The following MMP26 variants were observed in gnomAD, a reference collection of about 807,000 sequenced individuals.
MMP26 encodes matrix metallopeptidase 26, also known as matrix metalloproteinase-26.
A neutral mutation model predicts 31.0 loss-of-function variants in MMP26; 33 were observed. The ratio of observed to expected loss-of-function variants is 1.06; its 90% CI spans 0.81 to 1.42. The LOEUF (loss-of-function observed/expected upper bound fraction) is 1.42. MMP26 is among the 40% of genes most tolerant of loss of function. The pLI is 0.00. For synonymous variants in MMP26, 122 were observed against 114.9 expected (o/e 1.06, Z -0.40); for missense variants, 347 against 316.1 (o/e 1.10, Z -0.74).
chr11:4,864,794 A>G (rs1850212520), intron 2 of MMP26, among the ~76,000 whole-genome samples: 1 of 152,106 alleles, frequency 6.6e-6, no homozygotes, highest in South Asian at 2.1e-4. Flanking sequence ...GTCTACAGAA[A>G]CTGATGCCAC....
rs541359694 is a variant in MMP26, at chr11:4,927,925, G to A, written c.-144-60143G>A. Among the ~76,000 whole-genome samples the A allele has an allele frequency of 2.6e-5, 4 of 152,162 alleles. No individual in the cohort carries two copies. In the East Asian group the frequency reaches 7.8e-4, roughly 29 times the overall value. On this transcript the variant is annotated intron_variant, in intron 2 of 7. Transcript: ENST00000380390. ...TATCATCTATCATGCCTGATCTGTGGGCAAGGGATACTAAATGATACTTTC... is the reference window on the plus strand; with the variant it reads ...TATCATCTATCATGCCTGATCTGTGAGCAAGGGATACTAAATGATACTTTC...
At chr11:4,876,885 G>A (rs370428320) in intron 2 of MMP26, 1 of 155,002 alleles carries the variant, frequency 6.5e-6, no homozygotes, top group Middle Eastern at 2.4e-3. Context: ...CCACACATTT[G>A]GGGGAGTGGA....
chr11:4,926,497 A>G (rs1048249956), intron 2 of MMP26, among the ~76,000 whole-genome samples: 4 of 152,198 alleles, frequency 2.6e-5, no homozygotes, highest in Non-Finnish European at 4.4e-5. Context: ...AAGTTTAAAT[A>G]TATGTATGAC....
intron 2 of MMP26, chr11:4,924,364 A>T (rs1192618798): frequency 2.6e-6 from 4 of 1,561,602 alleles, no homozygotes; most frequent in Non-Finnish European, 3.5e-6. Context: ...GGACTCAGAA[A>T]CCTGGAATAT....
At chr11:4,714,082 C>T (rs1847895106) in intron 1 of MMP26, among the ~76,000 whole-genome samples, 1 of 152,130 alleles carries the variant, frequency 6.6e-6, no homozygotes, top group South Asian at 2.1e-4. Context: ...CCCAGCTCCT[C>T]AGGCTCCTTT....
chr11:4,968,501 TA>T (rs1320031550), intron 2 of MMP26, among the ~76,000 whole-genome samples: 1 of 145,380 alleles, frequency 6.9e-6, no homozygotes, highest in East Asian at 2.0e-4. Context: ...AGAGTTATTT[TA>T]AAAGTGTGAA....
chr11:4,877,966 C>T (rs903030890), intron 2 of MMP26: 2 of 152,120 alleles, frequency 1.3e-5, no homozygotes, highest in Non-Finnish European at 2.9e-5. Flanking sequence ...ACCACTGAAA[C>T]AAAGATACAG....
intron 2 of MMP26, among the ~76,000 whole-genome samples, chr11:4,941,466 G>A (rs949625101): frequency 2.0e-5 from 3 of 152,140 alleles, no homozygotes; most frequent in African/African-American, 7.2e-5. Flanking sequence ...TTATACAGTT[G>A]GTGATAATGA....
intron 1 of MMP26, among the ~76,000 whole-genome samples, chr11:4,750,752 G>A (rs1299169564): frequency 6.6e-6 from 1 of 151,950 alleles, no homozygotes; most frequent in Non-Finnish European, 1.5e-5. Context: ...TGAAATAATA[G>A]ACATTGGTAA....
intron 1 of MMP26, among the ~76,000 whole-genome samples, chr11:4,755,549 G>A (rs1848495255): frequency 6.6e-6 from 1 of 151,984 alleles, no homozygotes; most frequent in Admixed American, 6.6e-5. Flanking sequence ...ATGGTATAGG[G>A]GTGGCACTGG....
intron 2 of MMP26, among the ~76,000 whole-genome samples, chr11:4,792,343 C>G (rs959545457): frequency 1.3e-5 from 2 of 152,098 alleles, no homozygotes; most frequent in African/African-American, 4.8e-5. Context: ...GAGTTTTTAA[C>G]GGGCCTAAGT....
chr11:4,882,442 C>T (rs768200700), intron 2 of MMP26: 4 of 1,613,806 alleles, frequency 2.5e-6, no homozygotes, highest in South Asian at 1.1e-5. Context: ...ATCCATTTTG[C>T]TACCACCCAG....
chr11:4,862,811 G>A (rs1274336989), intron 2 of MMP26, among the ~76,000 whole-genome samples: 1 of 152,158 alleles, frequency 6.6e-6, no homozygotes, highest in Non-Finnish European at 1.5e-5. Context: ...AGGTAGTGTA[G>A]TCCACTCACA....
intron 2 of MMP26, among the ~76,000 whole-genome samples, chr11:4,888,917 G>A (rs144820946): frequency 4.1e-4 from 63 of 152,234 alleles, no homozygotes; most frequent in African/African-American, 1.5e-3. Context: ...ACTGGATTGG[G>A]GTGATATCCT....
chr11:4,755,843 C>A (rs563421610), intron 1 of MMP26, among the ~76,000 whole-genome samples: 14 of 151,958 alleles, frequency 9.2e-5, no homozygotes, highest in African/African-American at 3.1e-4. Context: ...TTGTTTTGCA[C>A]TAGAGAGTAT....
At chr11:4,956,383 A>G (rs1846443383) in intron 2 of MMP26, among the ~76,000 whole-genome samples, 1 of 152,236 alleles carries the variant, frequency 6.6e-6, no homozygotes, top group African/African-American at 2.4e-5. Context: ...ATTTGTAGAT[A>G]CAGTAAATCT....
chr11:4,974,755 C>T (rs1010249436), intron 2 of MMP26, among the ~76,000 whole-genome samples: 12 of 152,036 alleles, frequency 7.9e-5, no homozygotes, highest in Non-Finnish European at 1.3e-4. Flanking sequence ...TACATGTACG[C>T]CACAGAATAT....
At chr11:4,814,683 A>G (rs2133465167) in intron 2 of MMP26, among the ~76,000 whole-genome samples, 1 of 152,326 alleles carries the variant, frequency 6.6e-6, no homozygotes. Flanking sequence ...TTAAAGGGTT[A>G]ATCTAATACA....
intron 2 of MMP26, among the ~76,000 whole-genome samples, chr11:4,891,975 G>T (rs1850631051): frequency 6.6e-6 from 1 of 152,028 alleles, no homozygotes; most frequent in South Asian, 2.1e-4. Flanking sequence ...GTATTTGAGA[G>T]TTTTCATATG....
Sources: allele counts gnomAD v4.1 joint callset (sites outside exome capture counted in the v4.1 genomes callset), GRCh38; gene constraint gnomAD v4.1.1; transcripts MANE v1.5; gene names NCBI Gene and HGNC (gene_info 2026-07-23, HGNC 2026-07-21).